Variants in MYBPC1 observed in about 807,000 individuals in gnomAD.
The protein encoded by MYBPC1 is myosin binding protein C1.
MYBPC1 carries 52 observed loss-of-function variants against 147.1 expected under a neutral mutation model. The observed-to-expected ratio is 0.35, with a 90% confidence interval of 0.28 to 0.45. The LOEUF (loss-of-function observed/expected upper bound fraction) is 0.45, where lower values mean the gene tolerates loss of function less well. Ranked by LOEUF, MYBPC1 falls within the 20% of genes least tolerant of loss-of-function variation. MYBPC1 has a pLI of 1.00. For synonymous variants in MYBPC1, 477 were observed against 475.9 expected (o/e 1.00, Z -0.03); for missense variants, 1,228 against 1,440.3 (o/e 0.85, Z 2.39).
intron 1 of MYBPC1, among the ~76,000 whole-genome samples, chr12:101,612,086 G>GAA (rs199722902): frequency 0.061 from 8,504 of 138,316 alleles, 342 homozygotes; most frequent in South Asian, 0.12. Flanking sequence ...AAAAAAAAAA[G>GAA]AAAAAAAAAA....
chr12:101,662,646 A>G, intron 21 of MYBPC1, 100 bp downstream of exon 21: 1 of 1,354,866 alleles, frequency 7.4e-7, no homozygotes, highest in East Asian at 2.3e-5. Flanking sequence ...GACACTTCTT[A>G]GAGTTGTAGG....
chr12:101,685,543 T>C (rs1951302864), intron 31 of MYBPC1, 39 bp from the exon 32 acceptor site: 1 of 1,372,688 alleles, frequency 7.3e-7, no homozygotes, highest in South Asian at 1.2e-5. Flanking sequence ...TTCAGGTAGA[T>C]GGTTTTGATT....
At chr12:101,623,166 C>T (rs2135943569) in intron 3 of MYBPC1, among the ~76,000 whole-genome samples, 1 of 152,254 alleles carries the variant, frequency 6.6e-6, no homozygotes, top group Non-Finnish European at 1.5e-5. Flanking sequence ...TGGTGAAACC[C>T]TGTCTCTACT....
chr12:101,649,122 T>C (rs1343506455), intron 14 of MYBPC1, 138 bp from the exon 15 acceptor site: 3 of 754,802 alleles, frequency 4.0e-6, no homozygotes, highest in African/African-American at 1.7e-5. Context: ...GATTCGTACA[T>C]TTTTTAATTC....
At chr12:101,659,974 T>C in intron 19 of MYBPC1, 143 bp downstream of exon 19, 1 of 1,127,922 alleles carries the variant, frequency 8.9e-7, no homozygotes, top group Non-Finnish European at 1.3e-6. Flanking sequence ...AGAGGACTTA[T>C]CATTGGAGAA....
rs1892714067 is a variant in MYBPC1, at chr12:101,644,755, G to T, written c.924G>T (p.Val308=). 6.2e-7 allele frequency: 1 copy of T among 1,613,972 alleles called. No homozygotes were observed. Among genetic ancestry groups the T allele is most frequent in the Non-Finnish European group, 8.5e-7 (1 of 1,179,976 alleles). The change falls in exon 12 of 32, where the codon GTG becomes GTT. Residue 308 remains valine (V), a synonymous_variant. Coordinates refer to ENST00000361466, the MANE Select transcript of MYBPC1 (RefSeq NM_002465.4). ...VVELADPKLE[V]KWYKNGQEIR... ...AGCTGGCAGATCCAAAGTTGGAGGT[G>T]AAATGGTATAAAAATGGTCAAGAAA...
At chr12:101,628,723 G>A (rs1889192909) in intron 5 of MYBPC1, among the ~76,000 whole-genome samples, 1 of 152,170 alleles carries the variant, frequency 6.6e-6, no homozygotes, top group African/African-American at 2.4e-5. Flanking sequence ...GAGTGCAAAT[G>A]AGAAGATGCA....
intron 5 of MYBPC1, 155 bp downstream of exon 5, chr12:101,627,959 A>G (rs1476747495): frequency 2.3e-6 from 2 of 866,710 alleles, no homozygotes; most frequent in African/African-American, 1.7e-5. Context: ...AAGAAAACTA[A>G]TGTATTGAGA....
intron 4 of MYBPC1, among the ~76,000 whole-genome samples, chr12:101,627,199 C>T (rs913401511): frequency 2.6e-5 from 4 of 151,900 alleles, no homozygotes; most frequent in Non-Finnish European, 5.9e-5. Flanking sequence ...ACTATATATC[C>T]ACCCTTTTCC....
In MYBPC1 at chr12:101,615,673, GC is replaced by G. The variant is rs567543367; in HGVS notation, c.61+1149del. Among the ~76,000 whole-genome samples, 14 of 35,482 alleles carry G rather than the reference GC, an allele frequency of 3.9e-4. 1 individual carries two copies. Among genetic ancestry groups the G allele is most frequent in the African/African-American group, 1.0e-3 (13 of 12,646 alleles). 23.3% of individuals were successfully genotyped at this position (35,482 alleles called of 152,430 possible). On this transcript the variant is annotated intron_variant, in intron 2 of 31. Transcript: ENST00000361466. Reference sequence around the variant, plus strand: ...TATAAGAACCCCCCGCCCCCCCCCCGCCCCCCCACACCAAGCAGTATGTGAT... The same window carrying G: ...TATAAGAACCCCCCGCCCCCCCCCCGCCCCCCACACCAAGCAGTATGTGAT...
intron 10 of MYBPC1, chr12:101,636,977 A>T (rs1316858481): frequency 7.9e-5 from 18 of 229,114 alleles, no homozygotes; most frequent in East Asian, 2.5e-4. Context: ...ATTTTTTTTT[A>T]AATGGGGACG....
intron 4 of MYBPC1, 78 bp from the exon 5 acceptor site, chr12:101,627,691 C>A: frequency 6.6e-7 from 1 of 1,516,560 alleles, no homozygotes; most frequent in Non-Finnish European, 9.2e-7. Flanking sequence ...TAGGGGAATC[C>A]AAGAAGGTTG....
chr12:101,604,298 G>A (rs1268607022), intron 1 of MYBPC1, among the ~76,000 whole-genome samples: 2 of 152,050 alleles, frequency 1.3e-5, no homozygotes, highest in East Asian at 1.9e-4. Flanking sequence ...AATTGACTAG[G>A]GGAGGAAAAA....
intron 1 of MYBPC1, 58 bp from the exon 2 acceptor site, chr12:101,614,438 A>T: frequency 6.2e-7 from 1 of 1,601,522 alleles, no homozygotes; most frequent in South Asian, 1.1e-5. Context: ...GGCTGTAGAA[A>T]GCAGTTCTTC....
intron 2 of MYBPC1, among the ~76,000 whole-genome samples, chr12:101,616,399 A>G (rs1886083240): frequency 6.6e-6 from 1 of 152,128 alleles, no homozygotes; most frequent in Admixed American, 6.6e-5. Context: ...TTTCCTTTGT[A>G]TGTCATATTT....
chr12:101,598,552 A>G (rs1878451751), intron 1 of MYBPC1, among the ~76,000 whole-genome samples: 2 of 152,054 alleles, frequency 1.3e-5, no homozygotes, highest in Admixed American at 6.6e-5. Flanking sequence ...ACAACTGTTA[A>G]CTGGATTCCT....
chr12:101,640,037 C>T (rs1891720125), intron 10 of MYBPC1, among the ~76,000 whole-genome samples: 1 of 152,038 alleles, frequency 6.6e-6, no homozygotes, highest in African/African-American at 2.4e-5. Context: ...TTCTTTGAGA[C>T]AGGGCCTCAC....
At chr12:101,690,775 A>G (rs1475035440), downstream of MYBPC1, among the ~76,000 whole-genome samples, 1 of 152,226 alleles carries the variant, frequency 6.6e-6, no homozygotes, top group Non-Finnish European at 1.5e-5. Context: ...CAGGAAATTA[A>G]GCATTTTTAG....
intron 16 of MYBPC1, 116 bp from the exon 17 acceptor site, chr12:101,652,562 C>T (rs1014243597): frequency 1.4e-6 from 1 of 735,450 alleles, no homozygotes; most frequent in Non-Finnish European, 2.5e-6. Context: ...CTCTCTCTCC[C>T]TCTCTTTCCT....
Sources: allele counts gnomAD v4.1 joint callset (sites outside exome capture counted in the v4.1 genomes callset), GRCh38; gene constraint gnomAD v4.1.1; transcripts MANE v1.5; gene names NCBI Gene and HGNC (gene_info 2026-07-23, HGNC 2026-07-21).